Variants in CREB5 observed in about 807,000 individuals in gnomAD.
CREB5 encodes the protein cAMP responsive element binding protein 5.
A neutral mutation model predicts 57.1 loss-of-function variants in CREB5; 19 were observed. The ratio of observed to expected loss-of-function variants is 0.33; its 90% CI spans 0.23 to 0.49. The LOEUF is 0.49. CREB5 is among the 20% of genes least tolerant of loss of function. CREB5 has a pLI of 0.99. For synonymous variants in CREB5, 238 were observed against 238.3 expected, an observed-to-expected ratio of 1.00 and a Z score of 0.01; for missense variants, 579 against 671.6, an observed-to-expected ratio of 0.86 and a Z score of 1.52.
Position 28,819,162 on chromosome 7 carries a change from G to A in CREB5, c.1410G>A (p.Gln470=). 6.2e-7 allele frequency: 1 copy of A among 1,613,716 alleles called. No homozygotes were observed. The highest frequency in any genetic ancestry group is 8.5e-7 in the Non-Finnish European group (1 of 1,179,808). ...CTAGTCCTGTCCCAGCTTGCTCCCA[G>A]CAACAAGTCATCCAGCATAATACCA... ...PPASPVPACS[Q]QQVIQHNTIT... Residue 470 remains glutamine, a synonymous_variant, in exon 11 of 11, where the codon CAG becomes CAA. Transcript: ENST00000357727.
chr7:28,510,505 A>G (rs536443274), intron 4 of CREB5, among the ~76,000 whole-genome samples: 58 of 152,344 alleles, frequency 3.8e-4, no homozygotes, highest in South Asian at 3.7e-3. Flanking sequence ...TATTGGAAAG[A>G]TTGGACTGGT....
intron 4 of CREB5, among the ~76,000 whole-genome samples, chr7:28,520,052 G>A (rs1408722730): frequency 6.6e-6 from 1 of 152,196 alleles, no homozygotes; most frequent in African/African-American, 2.4e-5. Flanking sequence ...GCTTTGGTGT[G>A]TGCTAGGAAT....
At chr7:28,497,594 C>T (rs1792110107) in intron 3 of CREB5, among the ~76,000 whole-genome samples, 1 of 152,204 alleles carries the variant, frequency 6.6e-6, no homozygotes. Flanking sequence ...AATTTTAAAA[C>T]TTGCTACCTA....
chr7:28,542,001 T>C (rs1794229231), intron 4 of CREB5, among the ~76,000 whole-genome samples: 2 of 152,250 alleles, frequency 1.3e-5, no homozygotes, highest in African/African-American at 4.8e-5. Flanking sequence ...CTATTTATAG[T>C]TTTGGCTTAT....
intron 9 of CREB5, among the ~76,000 whole-genome samples, chr7:28,813,787 A>G (rs1277366827): frequency 6.6e-6 from 1 of 152,210 alleles, no homozygotes; most frequent in East Asian, 1.9e-4. Context: ...ATCCCAAGGC[A>G]AACTATGGGT....
chr7:28,305,431 G>A (rs899124387), intron 1 of CREB5, among the ~76,000 whole-genome samples: 1 of 152,176 alleles, frequency 6.6e-6, no homozygotes, highest in Admixed American at 6.5e-5. Context: ...CAGTGTGGAC[G>A]TCAGGGGAAC....
chr7:28,798,358 A>G (rs1808167963), intron 7 of CREB5, among the ~76,000 whole-genome samples: 1 of 36,704 alleles, frequency 2.7e-5, no homozygotes, highest in African/African-American at 1.7e-4. Context: ...TGGGAGATAA[A>G]TTGCCCAGGG....
At chr7:28,651,746 C>T (rs1231121616) in intron 5 of CREB5, among the ~76,000 whole-genome samples, 2 of 152,164 alleles carry the variant, frequency 1.3e-5, no homozygotes, top group Non-Finnish European at 2.9e-5. Flanking sequence ...TGCTGTTTTG[C>T]ATTCTTAACT....
chr7:28,784,656 G>T (rs1279089932), intron 7 of CREB5, among the ~76,000 whole-genome samples: 1 of 152,084 alleles, frequency 6.6e-6, no homozygotes, highest in African/African-American at 2.4e-5. Context: ...AGCAAGATTT[G>T]TCTGCTACCC....
At chr7:28,359,987 T>C (rs1786435399) in intron 1 of CREB5, among the ~76,000 whole-genome samples, 1 of 152,220 alleles carries the variant, frequency 6.6e-6, no homozygotes, top group African/African-American at 2.4e-5. Flanking sequence ...TCAACATCAC[T>C]AATCATCAGG....
intron 1 of CREB5, among the ~76,000 whole-genome samples, chr7:28,416,573 A>G (rs1394578502): frequency 1.3e-5 from 2 of 152,200 alleles, no homozygotes; most frequent in Admixed American, 1.3e-4. Flanking sequence ...GTGGTGCACC[A>G]TCATGAAGGG....
intron 5 of CREB5, chr7:28,686,029 C>T (rs1344152298): frequency 1.1e-5 from 12 of 1,088,880 alleles, no homozygotes; most frequent in Admixed American, 6.7e-5. Context: ...CAGAGCTAGG[C>T]GCAAAAGAAG....
intron 5 of CREB5, among the ~76,000 whole-genome samples, chr7:28,709,995 A>G (rs542939120): frequency 6.6e-6 from 1 of 152,344 alleles, no homozygotes; most frequent in East Asian, 1.9e-4. Flanking sequence ...TTTTTAAAAC[A>G]TAGTGTAGAT....
chr7:28,381,561 C>T (rs988403083), intron 1 of CREB5, among the ~76,000 whole-genome samples: 1 of 152,194 alleles, frequency 6.6e-6, no homozygotes, highest in Non-Finnish European at 1.5e-5. Context: ...CAAGTTATTT[C>T]TTTGCCTAAT....
At chr7:28,511,902 A>G (rs1792715445) in intron 4 of CREB5, among the ~76,000 whole-genome samples, 1 of 152,242 alleles carries the variant, frequency 6.6e-6, no homozygotes, top group Admixed American at 6.5e-5. Context: ...AGACCAGTTG[A>G]GACGGTATTG....
chr7:28,530,539 A>G (rs1793680466), intron 4 of CREB5, among the ~76,000 whole-genome samples: 1 of 152,236 alleles, frequency 6.6e-6, no homozygotes, highest in African/African-American at 2.4e-5. Flanking sequence ...ACAAGCCATT[A>G]GTCAGCCTTA....
chr7:28,491,327 G>T, intron 2 of CREB5: 3 of 845,904 alleles, frequency 3.5e-6, no homozygotes, highest in Non-Finnish European at 4.3e-6. Context: ...ACCTGGGGAG[G>T]AGTGGGGGTG....
chr7:28,643,728 G>A (rs1208566860), intron 5 of CREB5, among the ~76,000 whole-genome samples: 2 of 141,274 alleles, frequency 1.4e-5, no homozygotes, highest in Admixed American at 1.5e-4. Context: ...TAAGTCTCAC[G>A]AATAGTTCAC....
intron 4 of CREB5, among the ~76,000 whole-genome samples, chr7:28,566,028 C>T (rs1015611967): frequency 6.6e-6 from 1 of 152,214 alleles, no homozygotes; most frequent in African/African-American, 2.4e-5. Flanking sequence ...CCTCTTCAGA[C>T]TAAATATTCT....
Sources: allele counts gnomAD v4.1 joint callset (sites outside exome capture counted in the v4.1 genomes callset), GRCh38; gene constraint gnomAD v4.1.1; transcripts MANE v1.5; gene names NCBI Gene and HGNC (gene_info 2026-07-23, HGNC 2026-07-21).